SLC9B2: variants seen among roughly 807,000 people sequenced by gnomAD.
The protein encoded by SLC9B2 is solute carrier family 9 member B2.
Under a neutral mutation model 52.2 loss-of-function variants are expected in SLC9B2, and 39 were observed. The ratio of observed to expected loss-of-function variants is 0.75; its 90% confidence interval spans 0.58 to 0.98. The LOEUF (loss-of-function observed/expected upper bound fraction) is 0.98. SLC9B2 is among the 50% of genes least tolerant of loss of function. The pLI, the probability that SLC9B2 is intolerant of heterozygous loss-of-function variation, is 0.00. For missense variants in SLC9B2, 626 were observed against 637.5 expected (o/e 0.98, Z 0.19); for synonymous variants, 214 against 227.0 (o/e 0.94, Z 0.51).
chr4:103,047,331 T>G, intron 6 of SLC9B2, 105 bp from the exon 7 acceptor site: 1 of 936,158 alleles, frequency 1.1e-6, no homozygotes, highest in Non-Finnish European at 1.5e-6. Context: ...ACAACAACAG[T>G]CTTTCTTTTT....
intron 4 of SLC9B2, among the ~76,000 whole-genome samples, chr4:103,051,589 G>T (rs1172266705): frequency 1.3e-5 from 2 of 152,160 alleles, no homozygotes; most frequent in Non-Finnish European, 2.9e-5. Context: ...AAGAAATAAT[G>T]ATGAGTTATA....
chr4:103,072,055 T>G lies in SLC9B2; in HGVS notation c.-43+4129A>C, dbSNP rs978027324. On this transcript the variant is annotated intron_variant, in intron 1 of 11. Transcript: ENST00000394785. ...TCAAAATTTTCAAGTTTGGCTTTCA[T>G]GTTTTTTTTTTTTTTTTTTTTGAGG... 1.1e-4 allele frequency among the ~76,000 whole-genome samples: 14 copies of G among 130,968 alleles called. No individual in the cohort carries two copies. In the South Asian group the frequency reaches 2.2e-3, roughly 21 times the overall value. The allele number at this position is 130,968 out of a possible 152,430, so 85.9% of individuals were successfully genotyped here. A position where few individuals can be genotyped will look rare whatever the true frequency, so the allele number is the denominator to read the frequency against.
In SLC9B2 at chr4:103,028,740, A is replaced by G. The variant is rs765698423; in HGVS notation, c.1392+7T>C. ...GTTAAAATGCTAAGCCATCCTATCC[A>G]TCATACCTGAACTGTGGCCTTTGGA... On this transcript the variant is annotated splice_region_variant and intron_variant, in intron 11 of 11. Coordinates refer to ENST00000394785, the MANE Select transcript of SLC9B2 (RefSeq NM_178833.7). 7 of 1,603,598 alleles carry G rather than the reference A, an allele frequency of 4.4e-6. No homozygotes were observed. The highest frequency in any genetic ancestry group is 1.7e-4 in the Middle Eastern group (1 of 6,052).
intron 1 of SLC9B2, among the ~76,000 whole-genome samples, chr4:103,073,519 T>A (rs1746853175): frequency 6.6e-6 from 1 of 152,204 alleles, no homozygotes; most frequent in Non-Finnish European, 1.5e-5. Flanking sequence ...AATTAATTAC[T>A]AAAATGACTA....
At chr4:103,026,735 C>T (rs982237613) in intron 11 of SLC9B2, 144 bp from the exon 12 acceptor site, 2 of 677,666 alleles carry the variant, frequency 3.0e-6, no homozygotes, top group Non-Finnish European at 4.8e-6. Context: ...ATACCTAATG[C>T]TAAATGACGA....
At position 103,066,470 on chromosome 4, in the gene SLC9B2, T is replaced by C; in HGVS notation, c.128A>G (p.Asn43Ser). Reference protein sequence around the residue: ...TVMKLKGIDANEPTEGSILLK... With the variant: ...TVMKLKGIDASEPTEGSILLK... ...AAGAATACTTCCTTCTGTTGGTTCA[T>C]TTGCATCTATACCTTTGAGCTTCAT... Residue 43 changes from asparagine to serine, a missense_variant, in exon 3 of 12, where the codon AAT becomes AGT. Asn to Ser is a conservative substitution (Grantham distance 46). Coordinates refer to ENST00000394785, the MANE Select transcript of SLC9B2 (RefSeq NM_178833.7). 6.2e-7 allele frequency: 1 copy of C among 1,614,080 alleles called. No individual in the cohort carries two copies. Among genetic ancestry groups the C allele is most frequent in the Non-Finnish European group, 8.5e-7 (1 of 1,179,926 alleles).
At chr4:103,064,611 T>C (rs913345237) in intron 3 of SLC9B2, among the ~76,000 whole-genome samples, 12 of 152,222 alleles carry the variant, frequency 7.9e-5, no homozygotes, top group African/African-American at 1.7e-4. Flanking sequence ...GAATAAGGTA[T>C]TGTATACCTC....
intron 7 of SLC9B2, among the ~76,000 whole-genome samples, chr4:103,046,719 A>G (rs899920494): frequency 2.0e-5 from 3 of 148,344 alleles, no homozygotes; most frequent in Admixed American, 1.3e-4. Context: ...AAGTCTCCAC[A>G]CATCTTTTGT....
chr4:103,068,746 C>A (rs961020310), intron 1 of SLC9B2, among the ~76,000 whole-genome samples: 1 of 152,080 alleles, frequency 6.6e-6, no homozygotes, highest in Non-Finnish European at 1.5e-5. Flanking sequence ...ACACTACAAA[C>A]TTGTGGTAGA....
rs1379878051 is a variant in SLC9B2, at chr4:103,028,772, G to A, written c.1367C>T (p.Ala456Val). ...NLKEKIFISF[A>V]WLPKATVQAA... ...CTGAACTGTGGCCTTTGGAAGCCAT[G>A]CAAAAGAAATAAATATCTTTTCTTT... The change falls in exon 11 of 12, where the codon GCA (alanine) becomes GTA (valine). Residue 456 changes from alanine to valine, a missense_variant. Coordinates refer to ENST00000394785, the MANE Select transcript of SLC9B2 (RefSeq NM_178833.7). The A allele has an allele frequency of 3.7e-6, 6 of 1,607,666 alleles. No individual in the cohort carries two copies. The highest frequency in any genetic ancestry group is 1.3e-5 in the African/African-American group (1 of 74,460).
intron 4 of SLC9B2, among the ~76,000 whole-genome samples, chr4:103,057,256 A>ATG: frequency 7.3e-6 from 1 of 137,352 alleles, no homozygotes; most frequent in African/African-American, 3.0e-5. Flanking sequence ...ATATATATAT[A>ATG]TATATATATA....
rs112489135 is a variant in SLC9B2 at position 103,026,727 on chromosome 4, ACCT to A, written c.1393-139_1393-137del. ...GAAAGTTGTAAGCATCAGGAGATAT[ACCT>A]AATGCTAAATGACGAGTTAATGGGT... On this transcript the variant is annotated intron_variant, in intron 11 of 11. Coordinates refer to ENST00000394785, the MANE Select transcript of SLC9B2 (RefSeq NM_178833.7). The A allele has an allele frequency of 7.0e-6, 5 of 712,216 alleles. No individual in the cohort carries two copies. The African/African-American group carries it at 7.2e-5, about 10-fold the overall frequency. The allele number at this position is 712,216 out of a possible 1,614,324, so 44.1% of individuals were successfully genotyped here.
upstream of SLC9B2, chr4:103,077,289 G>T (rs952564449): frequency 2.0e-5 from 3 of 152,028 alleles, no homozygotes; most frequent in African/African-American, 7.2e-5. Context: ...TATTGGATAG[G>T]TTCCATCCAA....
rs1185490886 is a variant in SLC9B2 at position 103,031,826 on chromosome 4, C to T, written c.1147-18G>A. 3 of 1,595,754 alleles carry T rather than the reference C, an allele frequency of 1.9e-6. No homozygotes were observed. Among genetic ancestry groups the T allele is most frequent in the Non-Finnish European group, 2.6e-6 (3 of 1,166,026 alleles). On this transcript the variant is annotated intron_variant, in intron 9 of 11. Coordinates refer to ENST00000394785, the MANE Select transcript of SLC9B2 (RefSeq NM_178833.7). ...ACCTCTGCCTAAAATAACAATAAAA[C>T]ACACACAGATTTTTATTATGTGAAG...
In SLC9B2 at chr4:103,066,361, A is replaced by C; in HGVS notation, c.237T>G (p.Pro79=). Residue 79 remains proline (P), a synonymous_variant, in exon 3 of 12, where the codon CCT becomes CCG. Transcript: ENST00000394785. ...VQRLRQMLAC[P]PHGLLDRVIT... ...TGACCCTGTCCAGTAAACCATGTGGAGGGCAAGCCAGCATTTGTCTCAGTC... is the reference window on the plus strand; with the variant it reads ...TGACCCTGTCCAGTAAACCATGTGGCGGGCAAGCCAGCATTTGTCTCAGTC... 6.2e-7 allele frequency: 1 copy of C among 1,613,998 alleles called. No homozygotes were observed. The highest frequency in any genetic ancestry group is 8.5e-7 in the Non-Finnish European group (1 of 1,179,916).
At chr4:103,028,907 G>T (rs746588493) in intron 10 of SLC9B2, 24 bp from the exon 11 acceptor site, 2 of 1,506,786 alleles carry the variant, frequency 1.3e-6, no homozygotes, top group South Asian at 1.4e-5. Flanking sequence ...TCAATTTTTA[G>T]AAATAATAAA....
intron 4 of SLC9B2, among the ~76,000 whole-genome samples, chr4:103,056,372 C>T (rs1745137467): frequency 6.6e-6 from 1 of 152,080 alleles, no homozygotes; most frequent in Non-Finnish European, 1.5e-5. Flanking sequence ...CTCAGCCTCC[C>T]AAGTAGCTGG....
rs1367497689 is a variant in SLC9B2, at chr4:103,022,341, A to T, written c.*4029T>A. Among the ~76,000 whole-genome samples, 1 of 152,244 alleles carries T rather than the reference A, an allele frequency of 6.6e-6. No individual in the cohort carries two copies. The highest frequency in any genetic ancestry group is 1.5e-5 in the Non-Finnish European group (1 of 68,038). ...CTTAGCATTCATTATATACAAAAAA[A>T]TTCTTCAATCTACATAGCATCATAA... On this transcript the variant is annotated 3_prime_UTR_variant, in exon 12 of 12. Transcript: ENST00000394785.
Position 103,050,253 on chromosome 4 carries a change from C to T in SLC9B2, c.572G>A (p.Gly191Asp). 1.3e-6 allele frequency: 2 copies of T among 1,584,806 alleles called. No homozygotes were observed. The highest frequency in any genetic ancestry group is 1.7e-6 in the Non-Finnish European group (2 of 1,169,746). The change falls in exon 5 of 12, where the codon GGT (glycine) becomes GAT (aspartate). Residue 191 changes from glycine (G) to aspartate (D), a missense_variant. By Grantham distance (94) the Gly-to-Asp change is moderately conservative. Transcript: ENST00000394785. ...LSIILVRAGL[G>D]LDSKALKKLK... The stretch of plus-strand genomic sequence containing the variant: ...TACATTTCATACCTTTGAATCCAGA[C>T]CAAGGCCAGCACGAACCAGAATGAT...
Sources: allele counts gnomAD v4.1 joint callset (sites outside exome capture counted in the v4.1 genomes callset), GRCh38; gene constraint gnomAD v4.1.1; transcripts MANE v1.5; gene names NCBI Gene and HGNC (gene_info 2026-07-23, HGNC 2026-07-21).